The following ACTR3 variants were observed in gnomAD, a reference collection of about 807,000 sequenced individuals.
ACTR3 encodes actin related protein 3, also known as actin-related protein 3.
In ACTR3, 12 loss-of-function variants were observed where a neutral mutation model predicts 56.8. That is an observed-to-expected ratio of 0.21 (90% CI 0.14 to 0.34). ACTR3 has a LOEUF of 0.34. Among genes scored for constraint, ACTR3 ranks in the 10% least tolerant of loss-of-function variants. The pLI, the probability that ACTR3 is intolerant of heterozygous loss-of-function variation, is 1.00. For synonymous variants in ACTR3, 162 were observed against 167.4 expected (o/e 0.97, Z 0.25); for missense variants, 282 against 512.5 (o/e 0.55, Z 4.34).
intron 1 of ACTR3, among the ~76,000 whole-genome samples, chr2:113,906,244 G>C (rs1035242347): frequency 3.3e-5 from 5 of 152,086 alleles, no homozygotes; most frequent in Admixed American, 3.3e-4. Context: ...TATTAGTAAG[G>C]TTGAACATCT....
chr2:113,940,615 G>A (rs1679906306), intron 7 of ACTR3, among the ~76,000 whole-genome samples: 2 of 151,964 alleles, frequency 1.3e-5, no homozygotes, highest in Non-Finnish European at 2.9e-5. Context: ...TATTATATCA[G>A]TGCTTCATGC....
In ACTR3 at chr2:113,958,193, A is replaced by G. The variant is rs1300701777; in HGVS notation, c.*738A>G. 1 of 152,616 alleles carries G rather than the reference A, an allele frequency of 6.6e-6. No homozygotes were observed. Among genetic ancestry groups the G allele is most frequent in the Non-Finnish European group, 1.5e-5 (1 of 68,014 alleles). The allele number at this position is 152,616 out of a possible 1,614,324, so 9.5% of individuals were successfully genotyped here. A position where few individuals can be genotyped will look rare whatever the true frequency, so the allele number is the denominator to read the frequency against. On this transcript the variant is annotated 3_prime_UTR_variant, in exon 12 of 12. Coordinates refer to ENST00000263238, the MANE Select transcript of ACTR3 (RefSeq NM_005721.5). ...TCTTATAAAAAACAAAACAACAACA[A>G]TAATTTATCAAAATTGGCATATTTA...
intron 1 of ACTR3, among the ~76,000 whole-genome samples, chr2:113,894,089 GTTTC>G (rs1389690438): frequency 6.6e-6 from 1 of 150,594 alleles, no homozygotes; most frequent in Non-Finnish European, 1.5e-5. Context: ...TAATAATGCT[GTTTC>G]TTTTTTTTTT....
chr2:113,929,623 C>T (rs1003594374), intron 4 of ACTR3, among the ~76,000 whole-genome samples: 1 of 151,994 alleles, frequency 6.6e-6, no homozygotes, highest in Non-Finnish European at 1.5e-5. Context: ...TTTTTGCACA[C>T]CCCCCAGTGA....
At chr2:113,914,036 T>G (rs1365880048) in intron 2 of ACTR3, among the ~76,000 whole-genome samples, 2 of 152,224 alleles carry the variant, frequency 1.3e-5, no homozygotes, top group African/African-American at 4.8e-5. Flanking sequence ...CTCCTAGACA[T>G]TTTAATTTTG....
intron 1 of ACTR3, among the ~76,000 whole-genome samples, chr2:113,893,288 T>TTTTG (rs149154098): frequency 6.6e-5 from 10 of 151,530 alleles, no homozygotes; most frequent in South Asian, 2.1e-4. Context: ...CTTTTTGTTT[T>TTTTG]TTTGTTTGTT....
chr2:113,894,326 C>T (rs1185271519), intron 1 of ACTR3, among the ~76,000 whole-genome samples: 1 of 152,160 alleles, frequency 6.6e-6, no homozygotes, highest in African/African-American at 2.4e-5. Flanking sequence ...CTCCTGACCT[C>T]AGGTGATCCA....
At chr2:113,951,887 T>C in intron 10 of ACTR3, 42 bp downstream of exon 10, 1 of 1,606,720 alleles carries the variant, frequency 6.2e-7, no homozygotes, top group South Asian at 1.1e-5. Context: ...GAGGGTGCCT[T>C]CCTTGATTAG....
At chr2:113,952,826 C>T (rs1411284961) in intron 10 of ACTR3, 1 of 152,122 alleles carries the variant, frequency 6.6e-6, no homozygotes, top group East Asian at 1.9e-4. Flanking sequence ...TTTTGCATCC[C>T]CTTCCCAACC....
chr2:113,934,471 A>T, intron 6 of ACTR3, 85 bp downstream of exon 6: 1 of 908,084 alleles, frequency 1.1e-6, no homozygotes, highest in East Asian at 2.9e-5. Context: ...TTACTTTTAA[A>T]AAACTTTAAA....
At position 113,927,160 on chromosome 2, in the gene ACTR3, C is replaced by T. The variant is rs1437734554; in HGVS notation, c.226-185C>T. ...TTATTGAACCATCCATCTGACAATG[C>T]GTTATTGAACTAATTTATCTTTAAA... On this transcript the variant is annotated intron_variant, in intron 3 of 11. Transcript: ENST00000263238. Among the ~76,000 whole-genome samples, 5 of 152,098 alleles carry T rather than the reference C, an allele frequency of 3.3e-5. No homozygotes were observed. In the South Asian group the frequency reaches 8.3e-4, roughly 25 times the overall value.
At position 113,890,615 on chromosome 2, in the gene ACTR3, C is replaced by T. The variant is rs1678870154; in HGVS notation, c.44+292C>T. 5.4e-6 allele frequency: 7 copies of T among 1,296,254 alleles called. No individual in the cohort carries two copies. The East Asian group carries it at 1.3e-4, about 24-fold the overall frequency. The allele number at this position is 1,296,254 out of a possible 1,614,324, so 80.3% of individuals were successfully genotyped here. On this transcript the variant is annotated intron_variant, in intron 1 of 11. Transcript: ENST00000263238. ...CTTCCCCCACTACGGTGGGCAGCGC[C>T]GCCCAAAGGGCGCTGGGGACGGTCG...
intron 1 of ACTR3, among the ~76,000 whole-genome samples, chr2:113,895,923 A>G (rs1037274625): frequency 2.3e-4 from 35 of 152,008 alleles, no homozygotes; most frequent in African/African-American, 7.2e-4. Context: ...CAATGGCAAG[A>G]TCATGGCTCA....
intron 1 of ACTR3, among the ~76,000 whole-genome samples, chr2:113,905,443 C>T (rs1031926171): frequency 2.0e-4 from 29 of 146,712 alleles, no homozygotes; most frequent in African/African-American, 7.3e-4. Flanking sequence ...CCAGCCTAGG[C>T]GACAGAACAA....
In ACTR3 at chr2:113,931,286, T is replaced by C. The variant is rs973533823; in HGVS notation, c.337-15T>C. The C allele has an allele frequency of 2.8e-6, 4 of 1,452,690 alleles. No individual in the cohort carries two copies. The highest frequency in any genetic ancestry group is 2.4e-5 in the East Asian group (1 of 41,930). 90.0% of individuals were successfully genotyped at this position (1,452,690 alleles called of 1,614,324 possible). ...ATCTGATATTATCTATTTAAAATGT[T>C]ATTTATTTCAATAGACTGAACCTCC... On this transcript the variant is annotated splice_polypyrimidine_tract_variant and intron_variant, in intron 4 of 11. Transcript: ENST00000263238.
intron 7 of ACTR3, 106 bp from the exon 8 acceptor site, chr2:113,942,080 A>G: frequency 2.3e-6 from 2 of 888,776 alleles, no homozygotes; most frequent in Non-Finnish European, 3.2e-6. Context: ...TATTTTCTGA[A>G]GAGTTTTTTT....
chr2:113,940,057 A>G lies in ACTR3; in HGVS notation c.639A>G (p.Val213=), dbSNP rs768166757. The change falls in exon 7 of 12, where the codon GTA becomes GTG. Residue 213 remains valine, a synonymous_variant. Coordinates refer to ENST00000263238, the MANE Select transcript of ACTR3 (RefSeq NM_005721.5). ...AGCAACTGCTGAGAGACCGAGAAGT[A>G]GGAATCCCTCCAGAACAATCCTTGG... is the stretch of plus-strand genomic sequence containing the variant. ...FIQQLLRDRE[V]GIPPEQSLET... 9.3e-6 allele frequency: 15 copies of G among 1,613,494 alleles called. No homozygotes were observed. In the South Asian group the frequency reaches 1.3e-4, roughly 14 times the overall value.
Position 113,960,385 on chromosome 2 carries a change from A to T in ACTR3, c.*2930A>T, listed in dbSNP as rs1482030549. The T allele has an allele frequency of 6.6e-6, 1 of 151,732 alleles. No homozygotes were observed. Among genetic ancestry groups the T allele is most frequent in the Non-Finnish European group, 1.5e-5 (1 of 67,904 alleles). The allele number at this position is 151,732 out of a possible 1,614,324, so 9.4% of individuals were successfully genotyped here. The stretch of plus-strand genomic sequence containing the variant: ...TTTCACAGCTACTTAAAAGATTAAA[A>T]TAACTATTCTTGCAGATATTTCTAG... On this transcript the variant is annotated 3_prime_UTR_variant, in exon 12 of 12. Transcript: ENST00000263238.
At chr2:113,940,143 A>G (rs1412725320) in intron 7 of ACTR3, 41 bp downstream of exon 7, 10 of 1,562,998 alleles carry the variant, frequency 6.4e-6, no homozygotes, top group Non-Finnish European at 8.7e-6. Context: ...TAAAAATTAA[A>G]ATCACATTTA....
Sources: allele counts gnomAD v4.1 joint callset (sites outside exome capture counted in the v4.1 genomes callset), GRCh38; gene constraint gnomAD v4.1.1; transcripts MANE v1.5; gene names NCBI Gene and HGNC (gene_info 2026-07-23, HGNC 2026-07-21).